The following MYO5C variants were observed in gnomAD, a reference collection of about 807,000 sequenced individuals.
MYO5C encodes the protein unconventional myosin-Vc.
Under a neutral mutation model 235.7 loss-of-function variants are expected in MYO5C, and 194 were observed. The observed-to-expected ratio is 0.82, with a 90% CI of 0.73 to 0.93. The LOEUF (loss-of-function observed/expected upper bound fraction) is 0.93. Among genes scored for constraint, MYO5C ranks in the 40% least tolerant of loss-of-function variants. The probability of loss-of-function intolerance (pLI) is 0.00; values close to 1 mark genes in which losing one functional copy is unlikely to be tolerated. For synonymous variants in MYO5C, 707 were observed against 754.8 expected, an observed-to-expected ratio of 0.94 and a Z score of 1.04; for missense variants, 2,038 against 2,127.2, an observed-to-expected ratio of 0.96 and a Z score of 0.82.
intron 12 of MYO5C, among the ~76,000 whole-genome samples, chr15:52,252,256 T>C (rs1356626678): frequency 6.6e-6 from 1 of 152,154 alleles, no homozygotes; most frequent in African/African-American, 2.4e-5. Flanking sequence ...TGGGTTCCAT[T>C]ACACGAACAT....
Position 52,208,598 on chromosome 15 carries a change from T to C in MYO5C, c.4342A>G (p.Thr1448Ala), listed in dbSNP as rs771859536. The C allele has an allele frequency of 1.9e-6, 3 of 1,614,004 alleles. No individual in the cohort carries two copies. Among genetic ancestry groups the C allele is most frequent in the Non-Finnish European group, 2.5e-6 (3 of 1,179,994 alleles). ...FEMLSFWLSN[T>A]CHFLNCLKQY... ...TTCAGGCAATTGAGAAAATGACAAG[T>C]GTTGGAAAGCCAAAAGGACAGCATT... Residue 1448 changes from threonine (T) to alanine (A), a missense_variant, in exon 36 of 41, where the codon ACT becomes GCT. By Grantham distance (58) the Thr-to-Ala change is moderately conservative (BLOSUM62 0). Transcript: ENST00000261839.
chr15:52,214,670 G>A lies in MYO5C; in HGVS notation c.3975C>T (p.Asp1325=). The change falls in exon 33 of 41, where the codon GAC becomes GAT. Residue 1325 remains aspartate, a synonymous_variant. Transcript: ENST00000261839. ...GCTTTTTAATCACTCTGTCTTTCAT[G>A]TCTAATTCTTCTTCAAGATCCTACA... ...LENRDLEEEL[D]MKDRVIKKLQ... is the part of the protein sequence containing the mutation. 1.9e-6 allele frequency: 3 copies of A among 1,604,574 alleles called. No homozygotes were observed. Among genetic ancestry groups the A allele is most frequent in the South Asian group, 1.1e-5 (1 of 89,512 alleles).
At chr15:52,204,346 G>A (rs948417326) in intron 38 of MYO5C, among the ~76,000 whole-genome samples, 2 of 151,548 alleles carry the variant, frequency 1.3e-5, no homozygotes, top group African/African-American at 4.9e-5. Context: ...GTTCTTCTCC[G>A]TTTCCTTTAT....
chr15:52,281,812 T>C (rs1783895903), intron 2 of MYO5C, among the ~76,000 whole-genome samples: 1 of 152,220 alleles, frequency 6.6e-6, no homozygotes, highest in African/African-American at 2.4e-5. Context: ...CAGGACAGTC[T>C]GATTAGAAGT....
At chr15:52,219,900 A>G (rs1299783431) in intron 30 of MYO5C, 78 bp from the exon 31 acceptor site, 1 of 1,122,572 alleles carries the variant, frequency 8.9e-7, no homozygotes, top group South Asian at 1.3e-5. Context: ...ATTATTTTCA[A>G]TTTTTAGAGG....
chr15:52,253,235 C>A (rs1487720568), intron 12 of MYO5C, 82 bp downstream of exon 12: 1 of 1,325,852 alleles, frequency 7.5e-7, no homozygotes, highest in Non-Finnish European at 1.1e-6. Flanking sequence ...ACTTCACAAG[C>A]ACACTTCAAA....
Position 52,256,624 on chromosome 15 carries a change from A to G in MYO5C, c.1395+15T>C. 1 of 1,567,860 alleles carries G rather than the reference A, an allele frequency of 6.4e-7. No individual in the cohort carries two copies. The highest frequency in any genetic ancestry group is 8.7e-7 in the Non-Finnish European group (1 of 1,148,958). On this transcript the variant is annotated intron_variant, in intron 11 of 40. Transcript: ENST00000261839. Reference sequence around the variant, plus strand: ...GCGGCTGAGAACTAGTCAAGAAGGCAGAAAGGTCACCTACCATGTTAAACT... The same window carrying G: ...GCGGCTGAGAACTAGTCAAGAAGGCGGAAAGGTCACCTACCATGTTAAACT...
At chr15:52,278,027 T>C (rs1304844683) in intron 4 of MYO5C, 2 of 449,674 alleles carry the variant, frequency 4.4e-6, no homozygotes, top group Non-Finnish European at 9.0e-6. Flanking sequence ...AGATTTCCCA[T>C]CTGTGAAATG....
chr15:52,231,397 C>T (rs1218735826), intron 24 of MYO5C, among the ~76,000 whole-genome samples: 1 of 152,192 alleles, frequency 6.6e-6, no homozygotes, highest in African/African-American at 2.4e-5. Flanking sequence ...ATGACCTGGC[C>T]TCAGCCTGGC....
At chr15:52,267,853 G>T (rs571763622) in intron 8 of MYO5C, among the ~76,000 whole-genome samples, 1 of 152,136 alleles carries the variant, frequency 6.6e-6, no homozygotes, top group South Asian at 2.1e-4. Context: ...AGGGAGATGA[G>T]GGTGGGCAGG....
intron 5 of MYO5C, among the ~76,000 whole-genome samples, chr15:52,273,736 T>C (rs1351972939): frequency 6.6e-6 from 1 of 152,166 alleles, no homozygotes; most frequent in Non-Finnish European, 1.5e-5. Context: ...ACCTGGTCAA[T>C]GACACTAAAG....
intron 33 of MYO5C, 28 bp downstream of exon 33, chr15:52,214,575 G>A: frequency 6.7e-7 from 1 of 1,502,694 alleles, no homozygotes; most frequent in South Asian, 1.2e-5. Flanking sequence ...TAGCTCAAAA[G>A]AATAAGAAAA....
At chr15:52,223,491 A>C in intron 29 of MYO5C, 53 bp downstream of exon 29, 1 of 1,514,540 alleles carries the variant, frequency 6.6e-7, no homozygotes, top group Non-Finnish European at 8.9e-7. Context: ...GCCACTGACA[A>C]AGAACAACTC....
At chr15:52,282,596 G>A (rs866580378) in intron 2 of MYO5C, among the ~76,000 whole-genome samples, 186 bp downstream of exon 2, 1 of 152,204 alleles carries the variant, frequency 6.6e-6, no homozygotes, top group African/African-American at 2.4e-5. Flanking sequence ...GCACAGGGGC[G>A]GGAGGGAAGG....
At chr15:52,206,453 G>A (rs533971933) in intron 36 of MYO5C, among the ~76,000 whole-genome samples, 1 of 152,318 alleles carries the variant, frequency 6.6e-6, no homozygotes, top group East Asian at 1.9e-4. Context: ...TGTATTTGGA[G>A]ATGGGGCCTT....
chr15:52,261,204 G>GAGA, intron 9 of MYO5C, 77 bp from the exon 10 acceptor site: 1 of 1,533,712 alleles, frequency 6.5e-7, no homozygotes, highest in Admixed American at 1.8e-5. Flanking sequence ...CAAGGCCCCC[G>GAGA]TGCCCACACT....
chr15:52,286,417 G>C (rs1342896376), intron 1 of MYO5C, among the ~76,000 whole-genome samples: 16 of 152,234 alleles, frequency 1.1e-4, no homozygotes, highest in South Asian at 8.3e-4. Context: ...CCTCTGCCCG[G>C]CCACCACCCC....
At chr15:52,223,798 G>A in intron 28 of MYO5C, 74 bp from the exon 29 acceptor site, 1 of 1,371,910 alleles carries the variant, frequency 7.3e-7, no homozygotes, top group East Asian at 2.4e-5. Flanking sequence ...AGGCAGTTAT[G>A]AAGACCCACA....
At chr15:52,270,975 C>T (rs1035145185) in intron 7 of MYO5C, among the ~76,000 whole-genome samples, 3 of 152,102 alleles carry the variant, frequency 2.0e-5, no homozygotes, top group Non-Finnish European at 4.4e-5. Flanking sequence ...GCACGGGGCT[C>T]GGGGCCTTTT....
Sources: allele counts gnomAD v4.1 joint callset (sites outside exome capture counted in the v4.1 genomes callset), GRCh38; gene constraint gnomAD v4.1.1; transcripts MANE v1.5; gene names NCBI Gene and HGNC (gene_info 2026-07-23, HGNC 2026-07-21).